Variants in SELENOI observed in about 807,000 individuals in gnomAD.
SELENOI encodes ethanolaminephosphotransferase 1.
In SELENOI, 24 loss-of-function variants were observed where a neutral mutation model predicts 50.7. The observed-to-expected ratio is 0.47, with a 90% CI of 0.34 to 0.67. The LOEUF is 0.67. Among genes scored for constraint, SELENOI ranks in the 30% least tolerant of loss-of-function variants. The pLI is 0.01. For synonymous variants in SELENOI, 155 were observed against 170.2 expected (o/e 0.91, Z 0.70); for missense variants, 352 against 461.4 (o/e 0.76, Z 2.17).
At chr2:26,370,883 ACACCCCCAC>A (rs1164767598) in intron 4 of SELENOI, among the ~76,000 whole-genome samples, 2 of 106,006 alleles carry the variant, frequency 1.9e-5, no homozygotes, top group African/African-American at 8.0e-5. Context: ...CGGGGGGCTG[ACACCCCCAC>A]CTCCCTCCCG....
intron 4 of SELENOI, among the ~76,000 whole-genome samples, chr2:26,370,344 A>T (rs917705098): frequency 8.4e-4 from 128 of 151,534 alleles, no homozygotes; most frequent in African/African-American, 3.0e-3. Context: ...CGCCATTGTC[A>T]TCCTGGCCCG....
In SELENOI at chr2:26,381,743, G is replaced by T. The variant is rs56963790; in HGVS notation, c.683-1556G>T. Among the ~76,000 whole-genome samples, 956 of 152,244 alleles carry T rather than the reference G, an allele frequency of 6.3e-3. 11 individuals are homozygous for T. The highest frequency in any genetic ancestry group is 0.022 in the African/African-American group (897 of 41,530). On this transcript the variant is annotated intron_variant, in intron 6 of 9. Coordinates refer to ENST00000260585, the MANE Select transcript of SELENOI (RefSeq NM_033505.4). ...TTCCCTCTAAGTTCGTCTAATTTGGGGAACTTTGTTCTACTTGGGCTTGGA... is the reference window on the plus strand; with the variant it reads ...TTCCCTCTAAGTTCGTCTAATTTGGTGAACTTTGTTCTACTTGGGCTTGGA...
intron 8 of SELENOI, 56 bp downstream of exon 8, chr2:26,385,195 T>A (rs913355815): frequency 2.0e-5 from 21 of 1,042,558 alleles, no homozygotes; most frequent in Non-Finnish European, 2.5e-5. Context: ...ATGACAGAAT[T>A]TGATAATTTG....
At position 26,371,319 on chromosome 2, in the gene SELENOI, C is replaced by T. The variant is rs1383498906; in HGVS notation, c.311-2048C>T. 6.0e-5 allele frequency among the ~76,000 whole-genome samples: 9 copies of T among 150,956 alleles called. No individual in the cohort carries two copies. In the South Asian group the frequency reaches 1.1e-3, roughly 18 times the overall value. Reference sequence around the variant, plus strand: ...AGACGGGGTGGCGGCCGGGCAGAGGCGCTCCTCACATCCCAGACGGGGCGG... The same window carrying T: ...AGACGGGGTGGCGGCCGGGCAGAGGTGCTCCTCACATCCCAGACGGGGCGG... On this transcript the variant is annotated intron_variant, in intron 4 of 9. Transcript: ENST00000260585.
chr2:26,347,008 C>T (rs957237290), intron 1 of SELENOI: 2 of 152,212 alleles, frequency 1.3e-5, no homozygotes, highest in Admixed American at 1.3e-4. Context: ...TTGTGAAGCG[C>T]TTGGCAACAT....
intron 1 of SELENOI, among the ~76,000 whole-genome samples, chr2:26,360,952 C>T (rs1044930032): frequency 1.3e-5 from 2 of 152,202 alleles, no homozygotes; most frequent in East Asian, 1.9e-4. Flanking sequence ...CGGTGGCTTA[C>T]GCCTGTAATC....
intron 1 of SELENOI, among the ~76,000 whole-genome samples, chr2:26,347,315 G>A (rs1476270650): frequency 6.6e-6 from 1 of 151,990 alleles, no homozygotes; most frequent in East Asian, 1.9e-4. Context: ...ACTCATTAGA[G>A]TTTTCTTGTG....
At chr2:26,383,924 T>C (rs1406124442) in intron 7 of SELENOI, among the ~76,000 whole-genome samples, 1 of 152,182 alleles carries the variant, frequency 6.6e-6, no homozygotes, top group Non-Finnish European at 1.5e-5. Context: ...GTGTGTAGTT[T>C]AGGACCAAAC....
chr2:26,357,774 G>A (rs1261213634), intron 1 of SELENOI, among the ~76,000 whole-genome samples: 1 of 152,208 alleles, frequency 6.6e-6, no homozygotes, highest in African/African-American at 2.4e-5. Flanking sequence ...TTTAAGGGGT[G>A]TGGGGAGCAG....
chr2:26,370,401 G>A (rs1264079301), intron 4 of SELENOI, among the ~76,000 whole-genome samples: 1 of 151,846 alleles, frequency 6.6e-6, no homozygotes, highest in East Asian at 1.9e-4. Flanking sequence ...GTGGTGGCCG[G>A]GCAGAGGGGC....
intron 4 of SELENOI, among the ~76,000 whole-genome samples, chr2:26,368,158 C>G (rs1380484063): frequency 6.6e-6 from 1 of 152,118 alleles, no homozygotes; most frequent in African/African-American, 2.4e-5. Flanking sequence ...TGATTAAATG[C>G]TGATATGGTA....
chr2:26,369,394 G>C (rs920760621), intron 4 of SELENOI, among the ~76,000 whole-genome samples: 1 of 152,088 alleles, frequency 6.6e-6, no homozygotes, highest in Non-Finnish European at 1.5e-5. Flanking sequence ...TCTGCATCTT[G>C]TCTGTCACTC....
chr2:26,362,757 A>C (rs1677208182), intron 1 of SELENOI, among the ~76,000 whole-genome samples: 1 of 152,190 alleles, frequency 6.6e-6, no homozygotes, highest in African/African-American at 2.4e-5. Context: ...CTGTCTCAAA[A>C]AAAAGAAAAA....
chr2:26,383,992 C>T (rs137986473), intron 7 of SELENOI, among the ~76,000 whole-genome samples: 55 of 152,224 alleles, frequency 3.6e-4, no homozygotes, highest in African/African-American at 7.9e-4. Flanking sequence ...GTCTGGGTTG[C>T]GGGGAGAAGG....
rs1677992018 is a variant in SELENOI at position 26,392,517 on chromosome 2, G to T, written c.*3414G>T. On this transcript the variant is annotated 3_prime_UTR_variant, in exon 10 of 10. Transcript: ENST00000260585. ...TTCTTCCTCTTCGTTCTTCACCTGG[G>T]TTTCCTCTTATCTACCCACCACCTA... 6.6e-6 allele frequency: 1 copy of T among 152,062 alleles called. No individual in the cohort carries two copies. Among genetic ancestry groups the T allele is most frequent in the Non-Finnish European group, 1.5e-5 (1 of 68,032 alleles). The allele number at this position is 152,062 out of a possible 1,614,324, so 9.4% of individuals were successfully genotyped here. A position where few individuals can be genotyped will look rare whatever the true frequency, so the allele number is the denominator to read the frequency against.
intron 1 of SELENOI, among the ~76,000 whole-genome samples, chr2:26,358,924 C>G (rs1558412597): frequency 6.6e-6 from 1 of 152,160 alleles, no homozygotes. Context: ...TAGTCATGTT[C>G]TGCTTCCTAT....
intron 1 of SELENOI, among the ~76,000 whole-genome samples, chr2:26,354,167 C>T (rs1677016537): frequency 6.6e-6 from 1 of 152,122 alleles, no homozygotes; most frequent in African/African-American, 2.4e-5. Flanking sequence ...TTAATATTCA[C>T]AACTGCCATC....
At chr2:26,375,173 G>T in intron 6 of SELENOI, 25 bp downstream of exon 6, 1 of 1,425,866 alleles carries the variant, frequency 7.0e-7, no homozygotes, top group Non-Finnish European at 9.8e-7. Flanking sequence ...GTTGAAGCCT[G>T]TTTTAACCAT....
At chr2:26,386,582 G>A in intron 9 of SELENOI, 46 bp downstream of exon 9, 1 of 1,438,708 alleles carries the variant, frequency 7.0e-7, no homozygotes, top group Non-Finnish European at 9.2e-7. Flanking sequence ...GCTTATAAAT[G>A]GCACCAATAA....
Sources: gnomAD v4.1 joint callset for allele counts (sites outside exome capture counted in the v4.1 genomes callset) on GRCh38, gnomAD v4.1.1 for gene constraint, MANE v1.5 for transcripts, NCBI Gene and HGNC (gene_info 2026-07-23, HGNC 2026-07-21) for gene names.